The following AFAP1 variants were observed in gnomAD, a reference collection of about 807,000 sequenced individuals.
AFAP1 encodes the protein actin filament-associated protein 1.
Under a neutral mutation model 93.9 loss-of-function variants are expected in AFAP1, and 75 were observed. The observed-to-expected ratio is 0.80, with a 90% CI of 0.66 to 0.97. The LOEUF is 0.97. Ranked by LOEUF, AFAP1 falls within the 50% of genes least tolerant of loss-of-function variation. The pLI is 0.00. For synonymous variants in AFAP1, 517 were observed against 430.7 expected, an observed-to-expected ratio of 1.20 and a Z score of -2.48; for missense variants, 1,201 against 1,050.8, an observed-to-expected ratio of 1.14 and a Z score of -1.98.
intron 11 of AFAP1, among the ~76,000 whole-genome samples, chr4:7,792,375 G>T (rs185114082): frequency 6.7e-4 from 102 of 152,208 alleles, no homozygotes; most frequent in Non-Finnish European, 3.4e-4. Context: ...CATGACTACA[G>T]ATCTCAGCAG....
chr4:7,866,957 T>G (rs941516282), intron 3 of AFAP1, among the ~76,000 whole-genome samples: 3 of 150,760 alleles, frequency 2.0e-5, no homozygotes, highest in African/African-American at 7.3e-5. Flanking sequence ...GAGGATTGCT[T>G]GAGTCCAAGA....
intron 6 of AFAP1, among the ~76,000 whole-genome samples, chr4:7,834,557 G>A (rs1375848718): frequency 6.6e-6 from 1 of 152,164 alleles, no homozygotes; most frequent in Admixed American, 6.5e-5. Flanking sequence ...AATAGAGGAA[G>A]CATCTTTCCG....
At position 7,939,485 on chromosome 4, in the gene AFAP1, C is replaced by A. The variant is rs906556575; in HGVS notation, c.-3+171G>T. ...CCGCAGGACGACCGGGACCCCCGCG[C>A]GGGCCCACGCGGCGTCGCAGCAGGC... On this transcript the variant is annotated intron_variant, in intron 1 of 17. Transcript: ENST00000420658. This position sits in a 1 kb window ranked among gnomAD's most constrained non-coding sequence, Gnocchi z 5.6. 3.3e-6 allele frequency: 1 copy of A among 302,350 alleles called. No homozygotes were observed. 18.7% of individuals were successfully genotyped at this position (302,350 alleles called of 1,614,324 possible). A position where few individuals can be genotyped will look rare whatever the true frequency, so the allele number is the denominator to read the frequency against.
chr4:7,774,107 C>T (rs1182262551), intron 15 of AFAP1: 3 of 152,520 alleles, frequency 2.0e-5, no homozygotes, highest in South Asian at 4.1e-4. Context: ...ACCCCAGGCT[C>T]AGGAGCTGAG....
chr4:7,882,235 T>C (rs990915057), intron 1 of AFAP1, among the ~76,000 whole-genome samples: 2 of 151,936 alleles, frequency 1.3e-5, no homozygotes, highest in African/African-American at 2.4e-5. Flanking sequence ...AGAAATTTCG[T>C]AAGAAAAAAA....
At chr4:7,884,780 T>G (rs1044346993) in intron 1 of AFAP1, among the ~76,000 whole-genome samples, 4 of 152,202 alleles carry the variant, frequency 2.6e-5, no homozygotes, top group African/African-American at 9.6e-5. Flanking sequence ...GGAAAAAGAT[T>G]TTCTAATTCT....
chr4:7,842,585 C>T (rs1037388551), intron 5 of AFAP1: 9 of 152,196 alleles, frequency 5.9e-5, no homozygotes, highest in African/African-American at 2.2e-4. Context: ...TGCAGCCTTC[C>T]TGCTGGGGTC....
At chr4:7,797,043 G>A (rs1262065514) in intron 10 of AFAP1, among the ~76,000 whole-genome samples, 1 of 145,906 alleles carries the variant, frequency 6.9e-6, no homozygotes, top group Non-Finnish European at 1.5e-5. Context: ...CTGGATGACA[G>A]AGTGAGACCT....
At chr4:7,862,323 ACT>A (rs1286603862) in intron 3 of AFAP1, 85 of 146,986 alleles carry the variant, frequency 5.8e-4, no homozygotes, top group African/African-American at 1.9e-3. Context: ...ACAGAATGAG[ACT>A]CTGTCTCAAA....
intron 12 of AFAP1, among the ~76,000 whole-genome samples, chr4:7,783,300 C>T (rs889482328): frequency 2.0e-5 from 3 of 152,086 alleles, no homozygotes; most frequent in Non-Finnish European, 2.9e-5. Context: ...CCACCATGCC[C>T]GGCTAATTTT....
chr4:7,802,751 G>A (rs952583295), intron 9 of AFAP1, among the ~76,000 whole-genome samples: 7 of 150,190 alleles, frequency 4.7e-5, no homozygotes, highest in Non-Finnish European at 8.8e-5. Context: ...CCGGGTTCAC[G>A]CCATTCTCCC....
intron 1 of AFAP1, among the ~76,000 whole-genome samples, chr4:7,873,667 TATC>T (rs1717268472): frequency 6.6e-6 from 1 of 152,078 alleles, no homozygotes; most frequent in African/African-American, 2.4e-5. Context: ...CTTTTTAACG[TATC>T]ATTGAATGAC....
intron 1 of AFAP1, among the ~76,000 whole-genome samples, chr4:7,932,820 G>A (rs1282666483): frequency 6.6e-6 from 1 of 152,028 alleles, no homozygotes; most frequent in African/African-American, 2.4e-5. Context: ...AGGAGTTTTT[G>A]ACCAGCCTCG....
chr4:7,762,652 C>G lies in AFAP1; in HGVS notation c.*1113G>C, dbSNP rs1452106124. 1.3e-5 allele frequency: 2 copies of G among 152,256 alleles called. No homozygotes were observed. The highest frequency in any genetic ancestry group is 6.5e-5 in the Admixed American group (1 of 15,284). 9.4% of individuals were successfully genotyped at this position (152,256 alleles called of 1,614,324 possible). A position where few individuals can be genotyped will look rare whatever the true frequency, so the allele number is the denominator to read the frequency against. On this transcript the variant is annotated 3_prime_UTR_variant, in exon 18 of 18. Coordinates refer to ENST00000420658, the MANE Select transcript of AFAP1 (RefSeq NM_001134647.2). ...AGCTGGGAAAGAGGCCCTACTTGCA[C>G]CCACCCTACTCAGGAGAGGCAGCAC... is the stretch of plus-strand genomic sequence containing the variant.
chr4:7,902,653 G>A (rs1477057602), intron 1 of AFAP1, among the ~76,000 whole-genome samples: 1 of 152,148 alleles, frequency 6.6e-6, no homozygotes, highest in Non-Finnish European at 1.5e-5. Context: ...ATTTTCATCT[G>A]CTGGGCTTTT....
chr4:7,921,749 G>A (rs73214042), intron 1 of AFAP1, among the ~76,000 whole-genome samples: 46,596 of 152,108 alleles, frequency 0.31, 8,876 homozygotes, highest in Non-Finnish European at 0.44. Context: ...TAATCCAAAC[G>A]GTTGGGAACA....
At chr4:7,775,055 C>T (rs867589256) in intron 14 of AFAP1, 152 bp from the exon 15 acceptor site, 11 of 917,386 alleles carry the variant, frequency 1.2e-5, no homozygotes, top group Non-Finnish European at 1.8e-5. Flanking sequence ...GTGGGAGAAT[C>T]GCTTGAGCTT....
At chr4:7,779,082 G>A (rs370059199) in intron 13 of AFAP1, 24 of 569,112 alleles carry the variant, frequency 4.2e-5, no homozygotes, top group Admixed American at 1.3e-4. Flanking sequence ...AGGAGGGTAC[G>A]GCAGAGGCTC....
intron 1 of AFAP1, among the ~76,000 whole-genome samples, chr4:7,914,443 G>C (rs11945233): frequency 0.024 from 3,677 of 152,242 alleles, 124 homozygotes; most frequent in African/African-American, 0.075. Flanking sequence ...ATGTCCTCCA[G>C]TTCCACCCAC....
Sources: gnomAD v4.1 joint callset for allele counts (sites outside exome capture counted in the v4.1 genomes callset) on GRCh38, gnomAD v4.1.1 for gene constraint, Gnocchi (gnomAD v3.1) non-coding constraint, MANE v1.5 for transcripts, NCBI Gene and HGNC (gene_info 2026-07-23, HGNC 2026-07-21) for gene names.